The following UBAC1 variants were observed in gnomAD, a reference collection of about 807,000 sequenced individuals.
UBAC1 encodes UBA domain containing 1.
In UBAC1, 27 loss-of-function variants were observed where a neutral mutation model predicts 45.9. The ratio of observed to expected loss-of-function variants is 0.59; its 90% CI spans 0.43 to 0.81. UBAC1 has a LOEUF of 0.81. Ranked by LOEUF, UBAC1 falls within the 30% of genes least tolerant of loss-of-function variation. The pLI is 0.00. For synonymous variants in UBAC1, 227 were observed against 215.5 expected, an observed-to-expected ratio of 1.05 and a Z score of -0.47; for missense variants, 529 against 539.2, an observed-to-expected ratio of 0.98 and a Z score of 0.19.
At chr9:135,960,777 G>C (rs928007611) in intron 1 of UBAC1, among the ~76,000 whole-genome samples, 10 of 152,120 alleles carry the variant, frequency 6.6e-5, no homozygotes, top group African/African-American at 2.4e-4. Flanking sequence ...CGGGGCGAGC[G>C]CTTAGTGACC....
chr9:135,957,108 A>G (rs1839475983), intron 1 of UBAC1, among the ~76,000 whole-genome samples: 1 of 152,206 alleles, frequency 6.6e-6, no homozygotes, highest in Non-Finnish European at 1.5e-5. Context: ...TCACCTCTCA[A>G]CACTGGCATT....
intron 6 of UBAC1, 93 bp downstream of exon 6, chr9:135,945,796 G>A (rs1839324118): frequency 1.8e-5 from 17 of 963,992 alleles, no homozygotes; most frequent in Non-Finnish European, 2.7e-5. Context: ...CAGTCAAAGA[G>A]TTTAGGGTAG....
chr9:135,948,110 C>T (rs559466888), intron 3 of UBAC1: 68 of 532,728 alleles, frequency 1.3e-4, no homozygotes, highest in African/African-American at 6.0e-4. Flanking sequence ...TCTGCTCTGA[C>T]GTAAATAAGA....
chr9:135,957,832 T>A (rs554871721), intron 1 of UBAC1, among the ~76,000 whole-genome samples: 18 of 149,698 alleles, frequency 1.2e-4, no homozygotes, highest in Non-Finnish European at 1.9e-4. Flanking sequence ...TGGAGTGCAG[T>A]GGCGCGATCT....
chr9:135,954,732 C>A (rs1164777456), intron 2 of UBAC1, among the ~76,000 whole-genome samples: 1 of 152,246 alleles, frequency 6.6e-6, no homozygotes, highest in Non-Finnish European at 1.5e-5. Context: ...AGATGCAGCT[C>A]ATCCTCGGCC....
chr9:135,958,365 C>T (rs1839492932), intron 1 of UBAC1, among the ~76,000 whole-genome samples: 1 of 152,114 alleles, frequency 6.6e-6, no homozygotes, highest in South Asian at 2.1e-4. Flanking sequence ...TTTTCTAAAA[C>T]TCATTAACTA....
Position 135,945,188 on chromosome 9 carries a change from G to T in UBAC1, c.716C>A (p.Thr239Lys), listed in dbSNP as rs144479483. The change falls in exon 7 of 10, where the codon ACG (threonine) becomes AAG (lysine). Residue 239 changes from threonine to lysine, a missense_variant. Physicochemically the swap from Thr to Lys is moderately conservative, Grantham distance 78. Transcript: ENST00000371756. ...IEHAEDPTIDTPLPGQAPPEA... is the reference protein window; with the variant it reads ...IEHAEDPTIDKPLPGQAPPEA... ...TGGGGGAGCTTGGCCAGGAAGAGGC[G>T]TGTCTATGGTCGGGTCTTCTGCGTG... 3 of 1,612,708 alleles carry T rather than the reference G, an allele frequency of 1.9e-6. No homozygotes were observed. Among genetic ancestry groups the T allele is most frequent in the Admixed American group, 1.7e-5 (1 of 59,848 alleles).
At position 135,933,200 on chromosome 9, in the gene UBAC1, G is replaced by A; in HGVS notation, c.*200C>T. On this transcript the variant is annotated 3_prime_UTR_variant, in exon 10 of 10. Transcript: ENST00000371756. ...ACCACTTTTTTGTAAACACCTGTCA[G>A]ATGCTAAAAATACGGCCTTACACAC... 2 of 556,896 alleles carry A rather than the reference G, an allele frequency of 3.6e-6. No homozygotes were observed. The highest frequency in any genetic ancestry group is 6.4e-6 in the Non-Finnish European group (2 of 312,134). 34.5% of individuals were successfully genotyped at this position (556,896 alleles called of 1,614,324 possible).
intron 9 of UBAC1, 100 bp downstream of exon 9, chr9:135,938,122 C>T (rs1001079558): frequency 2.4e-5 from 36 of 1,523,030 alleles, no homozygotes; most frequent in East Asian, 6.8e-5. Flanking sequence ...CGATCCTCAG[C>T]GCTGGATCCT....
intron 3 of UBAC1, 192 bp from the exon 4 acceptor site, chr9:135,948,097 G>C (rs1487468953): frequency 3.5e-6 from 2 of 565,620 alleles, no homozygotes; most frequent in East Asian, 6.0e-5. Flanking sequence ...CGTGTCCTCA[G>C]CGTCTGCTCT....
chr9:135,954,775 C>T (rs2131093932), intron 2 of UBAC1, among the ~76,000 whole-genome samples: 1 of 152,340 alleles, frequency 6.6e-6, no homozygotes, highest in East Asian at 1.9e-4. Context: ...TGGCTTGGAG[C>T]TTGATGGTCA....
intron 9 of UBAC1, among the ~76,000 whole-genome samples, chr9:135,935,252 CAAAATTAGAGAGCA>C (rs947170701): frequency 1.3e-5 from 2 of 152,160 alleles, no homozygotes; most frequent in Non-Finnish European, 2.9e-5. Flanking sequence ...AAATGCCACA[CAAAATTAGAGAGCA>C]AAAACAGTTT....
chr9:135,944,881 G>A (rs985086768), intron 7 of UBAC1, 147 bp downstream of exon 7: 83 of 826,376 alleles, frequency 1.0e-4, no homozygotes, highest in Non-Finnish European at 1.4e-4. Context: ...AGGCCCACCT[G>A]TAAACCCCTT....
At chr9:135,944,937 G>T (rs1839308932) in intron 7 of UBAC1, 91 bp downstream of exon 7, 7 of 1,327,170 alleles carry the variant, frequency 5.3e-6, no homozygotes, top group African/African-American at 1.5e-5. Context: ...TCAGCCCAAG[G>T]TCAGCCATGC....
chr9:135,942,532 C>A (rs1328494031), intron 7 of UBAC1, among the ~76,000 whole-genome samples: 2 of 151,776 alleles, frequency 1.3e-5, no homozygotes, highest in African/African-American at 4.8e-5. Flanking sequence ...GTGGTGCGTG[C>A]CTGTAAGAGC....
chr9:135,955,522 G>C (rs1839457348), intron 1 of UBAC1, 107 bp from the exon 2 acceptor site: 17 of 1,222,730 alleles, frequency 1.4e-5, no homozygotes, highest in Middle Eastern at 4.3e-4. Flanking sequence ...GTTTTCTTAT[G>C]AGCTAAGAAA....
intron 9 of UBAC1, among the ~76,000 whole-genome samples, chr9:135,936,279 T>C (rs918892075): frequency 7.2e-5 from 11 of 152,028 alleles, no homozygotes; most frequent in Admixed American, 2.6e-4. Flanking sequence ...AGGAGGAATA[T>C]GCTTTCAGTG....
chr9:135,954,685 G>A (rs994031645), intron 2 of UBAC1, among the ~76,000 whole-genome samples: 1 of 152,188 alleles, frequency 6.6e-6, no homozygotes, highest in Admixed American at 6.5e-5. Context: ...CTGTGAGGGT[G>A]GAGAGTTTAG....
chr9:135,937,212 G>A (rs948848069), intron 9 of UBAC1, among the ~76,000 whole-genome samples: 1 of 152,120 alleles, frequency 6.6e-6, no homozygotes, highest in African/African-American at 2.4e-5. Flanking sequence ...GGGAGGCTGA[G>A]GCAGGTGGAT....
Sources: allele counts gnomAD v4.1 joint callset (sites outside exome capture counted in the v4.1 genomes callset), GRCh38; gene constraint gnomAD v4.1.1; transcripts MANE v1.5; gene names NCBI Gene and HGNC (gene_info 2026-07-23, HGNC 2026-07-21).